Variants in APOBEC1 observed in about 807,000 individuals in gnomAD.
APOBEC1 encodes the protein C->U-editing enzyme APOBEC-1.
In APOBEC1, 22 loss-of-function variants were observed where a neutral mutation model predicts 26.3. The ratio of observed to expected loss-of-function variants is 0.84; its 90% CI spans 0.60 to 1.19. The LOEUF (loss-of-function observed/expected upper bound fraction) is 1.19. Among genes scored for constraint, APOBEC1 ranks in the 50% most tolerant of loss-of-function variants. APOBEC1 has a pLI of 0.00. For missense variants in APOBEC1, 253 were observed against 289.0 expected, an observed-to-expected ratio of 0.88 and a Z score of 0.90; for synonymous variants, 77 against 95.3, an observed-to-expected ratio of 0.81 and a Z score of 1.12.
chr12:7,663,267 G>C (rs1036030876), intron 1 of APOBEC1, among the ~76,000 whole-genome samples: 1 of 152,144 alleles, frequency 6.6e-6, no homozygotes, highest in African/African-American at 2.4e-5. Flanking sequence ...GCACTGGATG[G>C]TAGAGGAGTT....
Position 7,660,311 on chromosome 12 carries a change from A to AAAGGAAGGAAGG in APOBEC1, c.16+5534_16+5545dup, listed in dbSNP as rs147558110. On this transcript the variant is annotated intron_variant, in intron 1 of 4. Transcript: ENST00000229304. Reference sequence around the variant, plus strand: ...GAGCAAGACTCTGTCTCAAAAAAAGAAAGGAAGGAAGGAAGGAAGGAAGGG... The same window carrying AAAGGAAGGAAGG: ...GAGCAAGACTCTGTCTCAAAAAAAGAAAGGAAGGAAGGAAGGAAGGAAGGAAGGAAGGAAGGG... Among the ~76,000 whole-genome samples, 8 of 126,816 alleles carry AAAGGAAGGAAGG rather than the reference A, an allele frequency of 6.3e-5. No homozygotes were observed. The East Asian group carries it at 1.1e-3, about 18-fold the overall frequency. 83.2% of individuals were successfully genotyped at this position (126,816 alleles called of 152,430 possible). A position where few individuals can be genotyped will look rare whatever the true frequency, so the allele number is the denominator to read the frequency against.
At chr12:7,660,376 G>GAAAGAA (rs1863795099) in intron 1 of APOBEC1, among the ~76,000 whole-genome samples, 1 of 60,982 alleles carries the variant, frequency 1.6e-5, no homozygotes, top group African/African-American at 5.0e-5. Flanking sequence ...AGGAAGGAAG[G>GAAAGAA]AAAGAAAGAA....
chr12:7,663,134 C>T (rs150491196), intron 1 of APOBEC1, among the ~76,000 whole-genome samples: 3 of 152,070 alleles, frequency 2.0e-5, no homozygotes, highest in African/African-American at 4.8e-5. Flanking sequence ...AACCTTAACT[C>T]GCAGGTGCTA....
upstream of APOBEC1, among the ~76,000 whole-genome samples, chr12:7,669,035 A>G (rs4883424): frequency 9.9e-5 from 15 of 152,120 alleles, no homozygotes; most frequent in Non-Finnish European, 1.3e-4. Flanking sequence ...CCTGGCCAGC[A>G]CCCCCCAATT....
upstream of APOBEC1, among the ~76,000 whole-genome samples, chr12:7,668,501 C>T (rs185114872): frequency 1.9e-3 from 296 of 152,218 alleles, 3 homozygotes; most frequent in African/African-American, 6.8e-3. Flanking sequence ...AGCGCTTCGT[C>T]CATGTTCTGT....
Position 7,652,852 on chromosome 12 carries a change from A to G in APOBEC1, c.45-17T>C. On this transcript the variant is annotated splice_polypyrimidine_tract_variant and intron_variant, in intron 2 of 4. Coordinates refer to ENST00000229304, the MANE Select transcript of APOBEC1 (RefSeq NM_001644.5). ...ATTCTTCTCCTGAAATACAAAAAGC[A>G]GCCCACACTGTCATGCCACATTTAG... 6 of 1,558,814 alleles carry G rather than the reference A, an allele frequency of 3.8e-6. No individual in the cohort carries two copies. Among genetic ancestry groups the G allele is most frequent in the Non-Finnish European group, 5.2e-6 (6 of 1,156,718 alleles).
upstream of APOBEC1, chr12:7,665,948 G>T: frequency 6.6e-7 from 1 of 1,518,940 alleles, no homozygotes; most frequent in Non-Finnish European, 9.1e-7. Flanking sequence ...TGCTTCAGGT[G>T]TGCCCACTGC....
intron 1 of APOBEC1, among the ~76,000 whole-genome samples, chr12:7,662,425 A>G (rs1863832956): frequency 6.6e-6 from 1 of 151,556 alleles, no homozygotes; most frequent in African/African-American, 2.4e-5. Flanking sequence ...TCTACTAAAA[A>G]TACAAAAATT....
intron 1 of APOBEC1, among the ~76,000 whole-genome samples, chr12:7,659,313 AAAAAAAAAAATAT>A (rs1252106950): frequency 1.0e-5 from 1 of 96,438 alleles, no homozygotes; most frequent in Non-Finnish European, 2.0e-5. Flanking sequence ...AAAAAAAAAA[AAAAAAAAAAATAT>A]ATATATATAT....
chr12:7,659,402 A>G (rs943943861), intron 1 of APOBEC1, among the ~76,000 whole-genome samples: 2 of 146,882 alleles, frequency 1.4e-5, no homozygotes, highest in African/African-American at 5.0e-5. Flanking sequence ...CACAAAAGGA[A>G]CTACCGGCAA....
chr12:7,652,024 G>A lies in APOBEC1; in HGVS notation c.442+414C>T, dbSNP rs141291252. On this transcript the variant is annotated intron_variant, in intron 3 of 4. Coordinates refer to ENST00000229304, the MANE Select transcript of APOBEC1 (RefSeq NM_001644.5). Reference sequence around the variant, plus strand: ...TTTTTAGTAGAGACGGGGTTTCACCGTGTTAGCCAGGATGGTCTCCATCTC... The same window carrying A: ...TTTTTAGTAGAGACGGGGTTTCACCATGTTAGCCAGGATGGTCTCCATCTC... Among the ~76,000 whole-genome samples the A allele has an allele frequency of 1.0e-3, 159 of 152,166 alleles. 1 individual carries two copies. The highest frequency in any genetic ancestry group is 4.5e-3 in the East Asian group (23 of 5,138).
At chr12:7,654,385 T>TTG (rs1555093793) in intron 2 of APOBEC1, among the ~76,000 whole-genome samples, 1 of 150,852 alleles carries the variant, frequency 6.6e-6, no homozygotes, top group African/African-American at 2.4e-5. Context: ...TTTTTTTTTT[T>TTG]TTTTGAGACA....
At chr12:7,654,718 C>G in intron 1 of APOBEC1, 86 bp from the exon 2 acceptor site, 1 of 1,220,344 alleles carries the variant, frequency 8.2e-7, no homozygotes. Flanking sequence ...TCCAAACCTC[C>G]AAATCATCTC....
intron 1 of APOBEC1, among the ~76,000 whole-genome samples, chr12:7,657,511 A>G (rs1025783211): frequency 2.6e-5 from 4 of 152,172 alleles, no homozygotes; most frequent in Admixed American, 2.0e-4. Flanking sequence ...AAAACTGAAG[A>G]TAAGCCTGCA....
In APOBEC1 at chr12:7,653,033, G is replaced by A. The variant is rs547285344; in HGVS notation, c.45-198C>T. On this transcript the variant is annotated intron_variant, in intron 2 of 4. Transcript: ENST00000229304. ...CAACCTCCACCTCCCAGGTTCAAGC[G>A]ATTTTTCTGCCTCAACTTCCCAAGT... Among the ~76,000 whole-genome samples, 24 of 152,158 alleles carry A rather than the reference G, an allele frequency of 1.6e-4. No individual in the cohort carries two copies. In the South Asian group the frequency reaches 2.1e-3, roughly 13 times the overall value.
upstream of APOBEC1, among the ~76,000 whole-genome samples, chr12:7,669,027 T>G (rs1422793904): frequency 6.6e-6 from 1 of 151,996 alleles, no homozygotes; most frequent in African/African-American, 2.4e-5. Context: ...CCACCATGCC[T>G]GGCCAGCACC....
chr12:7,653,032 C>A (rs754848038), intron 2 of APOBEC1, among the ~76,000 whole-genome samples, 197 bp from the exon 3 acceptor site: 7 of 152,024 alleles, frequency 4.6e-5, no homozygotes, highest in African/African-American at 1.2e-4. Flanking sequence ...CAGGTTCAAG[C>A]GATTTTTCTG....
At chr12:7,663,889 T>C (rs1344049435) in intron 1 of APOBEC1, among the ~76,000 whole-genome samples, 7 of 151,870 alleles carry the variant, frequency 4.6e-5, no homozygotes, top group Admixed American at 2.6e-4. Context: ...GGAGTTTTGC[T>C]CTTGTTGCCC....
At chr12:7,669,271 G>A (rs1863927873), upstream of APOBEC1, among the ~76,000 whole-genome samples, 1 of 151,628 alleles carries the variant, frequency 6.6e-6, no homozygotes, top group Non-Finnish European at 1.5e-5. Context: ...CACCATGTTG[G>A]CCAGGCTGTT....
Sources: gnomAD v4.1 joint callset for allele counts (sites outside exome capture counted in the v4.1 genomes callset) on GRCh38, gnomAD v4.1.1 for gene constraint, MANE v1.5 for transcripts, NCBI Gene and HGNC (gene_info 2026-07-23, HGNC 2026-07-21) for gene names.